The following LARP4B variants were observed in gnomAD, a reference collection of about 807,000 sequenced individuals.
The protein encoded by LARP4B is La ribonucleoprotein 4B.
Under a neutral mutation model 89.8 loss-of-function variants are expected in LARP4B, and 12 were observed. That is an observed-to-expected ratio of 0.13 (90% CI 0.09 to 0.22). The LOEUF is 0.22. Among genes scored for constraint, LARP4B ranks in the 10% least tolerant of loss-of-function variants. The pLI is 1.00. For synonymous variants in LARP4B, 367 were observed against 363.3 expected, an observed-to-expected ratio of 1.01 and a Z score of -0.12; for missense variants, 757 against 947.7, an observed-to-expected ratio of 0.80 and a Z score of 2.64.
At chr10:928,030 T>C (rs756145825) in intron 1 of LARP4B, among the ~76,000 whole-genome samples, 2 of 150,582 alleles carry the variant, frequency 1.3e-5, no homozygotes, top group African/African-American at 4.9e-5. Flanking sequence ...CTGGCCAACA[T>C]GGTGAAATCC....
At chr10:901,308 A>G (rs1045353109) in intron 1 of LARP4B, among the ~76,000 whole-genome samples, 1 of 152,230 alleles carries the variant, frequency 6.6e-6, no homozygotes, top group Non-Finnish European at 1.5e-5. Context: ...TAGGAATTCT[A>G]GTTCCTCATC....
the LARP4B span, among the ~76,000 whole-genome samples, chr10:962,109 G>A: frequency 3.2e-4 from 49 of 151,930 alleles, no homozygotes; most frequent in East Asian, 9.1e-3. Flanking sequence ...CCTGGCCAAC[G>A]TGGCGAAACC....
chr10:891,014 T>A (rs916934395), intron 1 of LARP4B, among the ~76,000 whole-genome samples: 2 of 152,140 alleles, frequency 1.3e-5, no homozygotes, highest in Non-Finnish European at 2.9e-5. Flanking sequence ...AAGATTCTTA[T>A]GATAGCCAAA....
At chr10:970,866 C>G in the LARP4B span, among the ~76,000 whole-genome samples, 1 of 152,160 alleles carries the variant, frequency 6.6e-6, no homozygotes, top group Non-Finnish European at 1.5e-5. Context: ...AGTGGAAGTA[C>G]TAAGGTTACT....
the LARP4B span, chr10:942,587 T>G: frequency 6.6e-5 from 10 of 152,322 alleles, no homozygotes; most frequent in African/African-American, 2.2e-4. Flanking sequence ...ATCTCACTTT[T>G]AGAAAGAAAG....
At chr10:985,033 T>G in the LARP4B span, among the ~76,000 whole-genome samples, 8 of 152,180 alleles carry the variant, frequency 5.3e-5, no homozygotes, top group East Asian at 3.8e-4. Context: ...GAGAGTGGCT[T>G]TGGAGTTCCA....
chr10:911,953 G>A (rs942549865), intron 1 of LARP4B, among the ~76,000 whole-genome samples: 1 of 152,186 alleles, frequency 6.6e-6, no homozygotes, highest in Non-Finnish European at 1.5e-5. Flanking sequence ...TTAGACAGAT[G>A]CAGTTTGAAC....
chr10:967,536 A>G, the LARP4B span, among the ~76,000 whole-genome samples: 1 of 152,234 alleles, frequency 6.6e-6, no homozygotes, highest in Non-Finnish European at 1.5e-5. Context: ...AACATTTAAA[A>G]GAAACGAGTT....
At position 864,195 on chromosome 10, in the gene LARP4B, T is replaced by C; in HGVS notation, c.217A>G (p.Ser73Gly). 1 of 1,614,184 alleles carries C rather than the reference T, an allele frequency of 6.2e-7. No individual in the cohort carries two copies. The highest frequency in any genetic ancestry group is 8.5e-7 in the Non-Finnish European group (1 of 1,180,008). Residue 73 changes from serine to glycine, a missense_variant, in exon 4 of 18, where the codon AGC (serine) becomes GGC (glycine). Coordinates refer to ENST00000316157, the MANE Select transcript of LARP4B (RefSeq NM_015155.3). ...WGAPVLHLEASSAADGVSAAW... is the reference protein window; with the variant it reads ...WGAPVLHLEAGSAADGVSAAW... ...GCACTCACACCGTCAGCAGCACTGC[T>C]TGCTTCCAGATGTAACACAGGAGCC... is the stretch of plus-strand genomic sequence containing the variant.
intron 1 of LARP4B, among the ~76,000 whole-genome samples, chr10:917,519 T>C (rs1308263662): frequency 6.6e-6 from 1 of 152,136 alleles, no homozygotes; most frequent in African/African-American, 2.4e-5. Flanking sequence ...AGAACAGAGG[T>C]TGACTATGTA....
At chr10:917,978 A>G (rs1045234473) in intron 1 of LARP4B, among the ~76,000 whole-genome samples, 6 of 152,218 alleles carry the variant, frequency 3.9e-5, no homozygotes, top group Admixed American at 1.3e-4. Flanking sequence ...ATGTTATTAG[A>G]TTCCAGCCTT....
the LARP4B span, chr10:972,876 T>C: frequency 2.2e-6 from 1 of 456,798 alleles, no homozygotes; most frequent in Non-Finnish European, 4.4e-6. Context: ...CAGTTCTGTC[T>C]GTTGTTTGTT....
intron 5 of LARP4B, among the ~76,000 whole-genome samples, chr10:857,676 G>A (rs569744810): frequency 6.6e-6 from 1 of 152,264 alleles, no homozygotes; most frequent in East Asian, 1.9e-4. Flanking sequence ...CGTGTAAGGG[G>A]CTTTTGTCAT....
chr10:889,891 G>A (rs976110060), intron 1 of LARP4B, among the ~76,000 whole-genome samples: 16 of 152,140 alleles, frequency 1.1e-4, no homozygotes, highest in Admixed American at 2.0e-4. Context: ...GCAGTGAGCC[G>A]AGATCGCCCC....
intron 1 of LARP4B, among the ~76,000 whole-genome samples, chr10:893,244 G>A (rs1836089713): frequency 6.6e-6 from 1 of 151,970 alleles, no homozygotes; most frequent in African/African-American, 2.4e-5. Context: ...AATGTACTCA[G>A]TAGGCTTGTT....
chr10:910,593 T>C (rs951931122), intron 1 of LARP4B, among the ~76,000 whole-genome samples: 2 of 152,206 alleles, frequency 1.3e-5, no homozygotes, highest in Non-Finnish European at 2.9e-5. Context: ...AGTGAGGGCT[T>C]TGCTGTCTTT....
Position 919,978 on chromosome 10 carries a change from A to C in LARP4B, c.-40+11450T>G, listed in dbSNP as rs547021881. On this transcript the variant is annotated intron_variant, in intron 1 of 17. Coordinates refer to ENST00000316157, the MANE Select transcript of LARP4B (RefSeq NM_015155.3). ...AGGTTAATGGATTATCTAAAATGAC[A>C]AAACACTTAATTTTCCTGGAGTAAA... 4.6e-5 allele frequency among the ~76,000 whole-genome samples: 7 copies of C among 152,354 alleles called. No individual in the cohort carries two copies. In the South Asian group the frequency reaches 1.0e-3, roughly 23 times the overall value.
chr10:828,132 T>A (rs537820500), intron 11 of LARP4B, among the ~76,000 whole-genome samples: 1 of 152,198 alleles, frequency 6.6e-6, no homozygotes, highest in African/African-American at 2.4e-5. Flanking sequence ...AAAGCCCACA[T>A]GCCTCAGGAC....
intron 1 of LARP4B, among the ~76,000 whole-genome samples, chr10:920,609 A>T (rs1399734490): frequency 6.6e-6 from 1 of 152,056 alleles, no homozygotes; most frequent in Non-Finnish European, 1.5e-5. Context: ...CCCTGTCTCT[A>T]CTAAAACTAT....
Sources: gnomAD v4.1 joint callset for allele counts (sites outside exome capture counted in the v4.1 genomes callset) on GRCh38, gnomAD v4.1.1 for gene constraint, MANE v1.5 for transcripts, NCBI Gene and HGNC (gene_info 2026-07-23, HGNC 2026-07-21) for gene names.